FSTL5: variants seen among roughly 807,000 people sequenced by gnomAD.
FSTL5 encodes the protein follistatin-related protein 5.
In FSTL5, 62 loss-of-function variants were observed where a neutral mutation model predicts 89.1. The observed-to-expected ratio is 0.70, with a 90% CI of 0.57 to 0.86. The LOEUF (loss-of-function observed/expected upper bound fraction) is 0.86. Among genes scored for constraint, FSTL5 ranks in the 40% least tolerant of loss-of-function variants. The pLI is 0.00. For synonymous variants in FSTL5, 383 were observed against 346.2 expected (o/e 1.11, Z -1.18); for missense variants, 1,057 against 1,001.6 (o/e 1.06, Z -0.75).
At chr4:161,486,247 T>C (rs1729675146) in intron 12 of FSTL5, among the ~76,000 whole-genome samples, 1 of 152,102 alleles carries the variant, frequency 6.6e-6, no homozygotes, top group African/African-American at 2.4e-5. Context: ...TCGCTGGTAT[T>C]ATGAAGAACA....
chr4:161,557,865 C>A (rs189560888), intron 8 of FSTL5, among the ~76,000 whole-genome samples: 2 of 151,832 alleles, frequency 1.3e-5, no homozygotes, highest in Admixed American at 6.6e-5. Flanking sequence ...GAGAATCTAA[C>A]ACGTGCATAT....
rs954924726 is a variant in FSTL5, at chr4:161,398,483, G to A, written c.1842-12034C>T. Among the ~76,000 whole-genome samples, 5 of 151,970 alleles carry A rather than the reference G, an allele frequency of 3.3e-5. No homozygotes were observed. The East Asian group carries it at 9.6e-4, about 29-fold the overall frequency. ...AGATTACTCAACAACCTGCTCCATC[G>A]TCCTAAAGAGAAAGAGCTATGAGCC... On this transcript the variant is annotated intron_variant, in intron 15 of 15. Coordinates refer to ENST00000306100, the MANE Select transcript of FSTL5 (RefSeq NM_020116.5).
intron 4 of FSTL5, among the ~76,000 whole-genome samples, chr4:161,898,819 C>T (rs564985192): frequency 2.6e-5 from 4 of 151,712 alleles, no homozygotes; most frequent in South Asian, 2.1e-4. Flanking sequence ...TTAGTAGAGA[C>T]GGGGTTTCAC....
intron 4 of FSTL5, among the ~76,000 whole-genome samples, chr4:161,859,605 A>G (rs1731835299): frequency 6.6e-6 from 1 of 152,260 alleles, no homozygotes; most frequent in Non-Finnish European, 1.5e-5. Context: ...AATGAATTCA[A>G]ACTGATCAGC....
intron 12 of FSTL5, among the ~76,000 whole-genome samples, chr4:161,482,938 G>A (rs1045638503): frequency 6.6e-6 from 1 of 152,200 alleles, no homozygotes; most frequent in Non-Finnish European, 1.5e-5. Flanking sequence ...TAAGACATAA[G>A]CGGAAAGTCT....
intron 1 of FSTL5, among the ~76,000 whole-genome samples, chr4:162,135,845 G>T (rs1732499514): frequency 6.6e-6 from 1 of 151,548 alleles, no homozygotes; most frequent in South Asian, 2.1e-4. Context: ...TAAAATTTTT[G>T]GATTTTTTAC....
chr4:162,085,109 GAC>G (rs931257440), intron 2 of FSTL5, among the ~76,000 whole-genome samples: 13 of 151,834 alleles, frequency 8.6e-5, no homozygotes, highest in Non-Finnish European at 1.6e-4. Flanking sequence ...ATAAAAATAA[GAC>G]AAAATATTTT....
intron 7 of FSTL5, among the ~76,000 whole-genome samples, chr4:161,647,653 CA>C (rs1207734679): frequency 1.3e-5 from 2 of 151,914 alleles, no homozygotes; most frequent in Non-Finnish European, 2.9e-5. Flanking sequence ...TTGTGCACTT[CA>C]AAATGTGTTA....
At chr4:161,495,030 C>T (rs902990573) in intron 12 of FSTL5, 1 of 152,194 alleles carries the variant, frequency 6.6e-6, no homozygotes, top group East Asian at 1.9e-4. Flanking sequence ...CCACTGCACT[C>T]CAACCTGGGC....
intron 5 of FSTL5, among the ~76,000 whole-genome samples, chr4:161,759,744 A>C (rs1028923916): frequency 6.6e-6 from 1 of 152,234 alleles, no homozygotes; most frequent in African/African-American, 2.4e-5. Flanking sequence ...AGGTAATTAC[A>C]ATTTCGTTCA....
chr4:161,483,673 A>AGG (rs1729591606), intron 12 of FSTL5, among the ~76,000 whole-genome samples: 1 of 152,222 alleles, frequency 6.6e-6, no homozygotes, highest in African/African-American at 2.4e-5. Context: ...ATTTTCTCAG[A>AGG]TTAACATTGA....
Position 161,658,864 on chromosome 4 carries a change from T to C in FSTL5, c.728-2370A>G, listed in dbSNP as rs1034692356. On this transcript the variant is annotated intron_variant, in intron 6 of 15. Transcript: ENST00000306100. ...CAGAGGAGATAATGGGACATCTGGT[T>C]CTAAAAACAGCATGTAAACATTGGC... is the stretch of plus-strand genomic sequence containing the variant. 5.3e-5 allele frequency among the ~76,000 whole-genome samples: 8 copies of C among 152,288 alleles called. No homozygotes were observed. In the East Asian group the frequency reaches 1.4e-3, roughly 26 times the overall value.
At chr4:161,394,023 A>G (rs1189267098) in intron 15 of FSTL5, among the ~76,000 whole-genome samples, 1 of 152,208 alleles carries the variant, frequency 6.6e-6, no homozygotes, top group Non-Finnish European at 1.5e-5. Context: ...CCTTAGCTAA[A>G]GAGTGTGAAA....
intron 4 of FSTL5, among the ~76,000 whole-genome samples, chr4:161,816,791 T>C (rs1730338389): frequency 6.6e-6 from 1 of 152,138 alleles, no homozygotes; most frequent in Admixed American, 6.5e-5. Flanking sequence ...GTCTCCAGAT[T>C]TCAAGGGACC....
intron 8 of FSTL5, among the ~76,000 whole-genome samples, chr4:161,577,794 T>A (rs1030750811): frequency 2.6e-5 from 4 of 152,082 alleles, no homozygotes; most frequent in Non-Finnish European, 5.9e-5. Flanking sequence ...GGAGCTTACA[T>A]TTAAAAGCTA....
intron 15 of FSTL5, among the ~76,000 whole-genome samples, chr4:161,427,557 C>G (rs1391581954): frequency 6.6e-6 from 1 of 152,202 alleles, no homozygotes; most frequent in Non-Finnish European, 1.5e-5. Flanking sequence ...ATCTTTTTAA[C>G]TCAGGGTCAG....
intron 3 of FSTL5, among the ~76,000 whole-genome samples, chr4:161,975,959 CAA>C (rs34935846): frequency 6.7e-6 from 1 of 148,342 alleles, no homozygotes; most frequent in Non-Finnish European, 1.5e-5. Context: ...ACTAAAAATA[CAA>C]AAAAAAATTA....
chr4:161,639,114 C>T (rs1052396066), intron 7 of FSTL5, among the ~76,000 whole-genome samples: 1 of 152,026 alleles, frequency 6.6e-6, no homozygotes, highest in African/African-American at 2.4e-5. Context: ...TCTCTCACCA[C>T]TTCTATTCAA....
At chr4:161,466,445 A>G (rs1733750092) in intron 13 of FSTL5, among the ~76,000 whole-genome samples, 2 of 152,186 alleles carry the variant, frequency 1.3e-5, no homozygotes. Context: ...CTTGTTTATC[A>G]GTCTGACAAG....
Sources: gnomAD v4.1 joint callset for allele counts (sites outside exome capture counted in the v4.1 genomes callset) on GRCh38, gnomAD v4.1.1 for gene constraint, MANE v1.5 for transcripts, NCBI Gene and HGNC (gene_info 2026-07-23, HGNC 2026-07-21) for gene names.